Variants in KCNJ15 observed in about 807,000 individuals in gnomAD.
The protein encoded by KCNJ15 is ATP-sensitive inward rectifier potassium channel 15.
Under a neutral mutation model 23.0 loss-of-function variants are expected in KCNJ15, and 14 were observed. That is an observed-to-expected ratio of 0.61 (90% CI 0.40 to 0.95). The LOEUF is 0.95. KCNJ15 is among the 40% of genes least tolerant of loss of function. The pLI is 0.00. For synonymous variants in KCNJ15, 185 were observed against 183.2 expected (o/e 1.01, Z -0.08); for missense variants, 388 against 461.8 (o/e 0.84, Z 1.46).
At chr21:38,248,117 A>G (rs1040025958) in intron 1 of KCNJ15, among the ~76,000 whole-genome samples, 1 of 152,254 alleles carries the variant, frequency 6.6e-6, no homozygotes, top group Non-Finnish European at 1.5e-5. Context: ...CAAATAGCAG[A>G]CATATCTTTG....
At chr21:38,245,976 A>G (rs938625211) in intron 1 of KCNJ15, among the ~76,000 whole-genome samples, 2 of 152,230 alleles carry the variant, frequency 1.3e-5, no homozygotes, top group Non-Finnish European at 2.9e-5. Context: ...TTCACCAACT[A>G]TTTGACCTTG....
rs1317911485 is a variant in KCNJ15 at position 38,303,771 on chromosome 21, A to G, written c.*3382A>G. 6.6e-6 allele frequency: 1 copy of G among 152,228 alleles called. No individual in the cohort carries two copies. Among genetic ancestry groups the G allele is most frequent in the Non-Finnish European group, 1.5e-5 (1 of 68,036 alleles). The allele number at this position is 152,228 out of a possible 1,614,324, so 9.4% of individuals were successfully genotyped here. On this transcript the variant is annotated 3_prime_UTR_variant, in exon 3 of 3. Transcript: ENST00000398938. ...ATATTATCGAAATGTAAACAAAGAT[A>G]TATTTTTAAGGTGGCATTTCTACTC...
intron 1 of KCNJ15, among the ~76,000 whole-genome samples, chr21:38,233,725 A>T (rs1978420568): frequency 6.6e-6 from 1 of 152,148 alleles, no homozygotes; most frequent in African/African-American, 2.4e-5. Context: ...ATTATAAGGG[A>T]ATAGTATGAA....
Position 38,299,183 on chromosome 21 carries a change from C to A in KCNJ15, c.-18-61C>A. On this transcript the variant is annotated intron_variant, in intron 2 of 2. Transcript: ENST00000398938. This position sits in a 1 kb window ranked among gnomAD's most constrained non-coding sequence, Gnocchi z 4.5. Reference sequence around the variant, plus strand: ...TTCATACTTACTTCACATGATGATTCTATTTTCTGGAAGTTCCACCACATA... The same window carrying A: ...TTCATACTTACTTCACATGATGATTATATTTTCTGGAAGTTCCACCACATA... 1 of 1,261,844 alleles carries A rather than the reference C, an allele frequency of 7.9e-7. No homozygotes were observed. Among genetic ancestry groups the A allele is most frequent in the Non-Finnish European group, 1.1e-6 (1 of 896,110 alleles). The allele number at this position is 1,261,844 out of a possible 1,614,324, so 78.2% of individuals were successfully genotyped here.
At chr21:38,256,907 T>G (rs1419696253), upstream of KCNJ15, 2 of 147,480 alleles carry the variant, frequency 1.4e-5, no homozygotes, top group Admixed American at 6.8e-5. Flanking sequence ...TTTCTCTCCT[T>G]TCCTCCCTCC....
At chr21:38,284,509 T>G (rs1383541039) in intron 1 of KCNJ15, among the ~76,000 whole-genome samples, 1 of 152,238 alleles carries the variant, frequency 6.6e-6, no homozygotes, top group Non-Finnish European at 1.5e-5. Context: ...CATGCATCAG[T>G]AATTTCAACT....
Position 38,305,080 on chromosome 21 carries a change from C to CAA in KCNJ15, c.*4707_*4708dup, listed in dbSNP as rs60094452. On this transcript the variant is annotated 3_prime_UTR_variant, in exon 3 of 3. Transcript: ENST00000398938. ...GGGCAACAAAAGTAAAACTCCGTCT[C>CAA]AAAAAAAAAAAAAAAAAGAAAAAGA... is the stretch of plus-strand genomic sequence containing the variant. 43,876 of 97,220 alleles carry CAA rather than the reference C, an allele frequency of 0.45. 10,050 individuals carry two copies. The highest frequency in any genetic ancestry group is 0.58 in the Non-Finnish European group (28,197 of 48,828). 6.0% of individuals were successfully genotyped at this position (97,220 alleles called of 1,614,324 possible).
Position 38,299,934 on chromosome 21 carries a change from G to A in KCNJ15, c.673G>A (p.Gly225Arg). The change falls in exon 3 of 3, where the codon GGG becomes AGG. Residue 225 changes from glycine to arginine, a missense_variant. Gly to Arg is a moderately radical substitution (Grantham distance 125). Transcript: ENST00000398938. This position sits in a 1 kb window ranked among gnomAD's most constrained non-coding sequence, Gnocchi z 4.5. ...CCTGCAGACCCACGTCACCAAGGAG[G>A]GGGAGCGGATTCTCCTCAACCAAGC... ...KLLQTHVTKEGERILLNQATV... is the reference protein window; with the variant it reads ...KLLQTHVTKERERILLNQATV... The A allele has an allele frequency of 6.2e-7, 1 of 1,614,000 alleles. No individual in the cohort carries two copies. Among genetic ancestry groups the A allele is most frequent in the Non-Finnish European group, 8.5e-7 (1 of 1,180,006 alleles).
At chr21:38,264,307 T>A (rs1601170968) in intron 1 of KCNJ15, among the ~76,000 whole-genome samples, 1 of 152,390 alleles carries the variant, frequency 6.6e-6, no homozygotes, top group East Asian at 1.9e-4. Flanking sequence ...TAGACTCAGG[T>A]CTGGCACTAG....
At chr21:38,244,688 A>C (rs1043501420) in intron 1 of KCNJ15, among the ~76,000 whole-genome samples, 8 of 152,102 alleles carry the variant, frequency 5.3e-5, no homozygotes, top group African/African-American at 1.9e-4. Flanking sequence ...CTCTGGTTCC[A>C]TCTTAGTCCC....
At chr21:38,286,014 C>A (rs367643321) in intron 1 of KCNJ15, among the ~76,000 whole-genome samples, 2 of 152,026 alleles carry the variant, frequency 1.3e-5, no homozygotes, top group African/African-American at 2.4e-5. Context: ...GAGGCCGAGG[C>A]GGGCGGATCA....
At position 38,238,269 on chromosome 21, in the gene KCNJ15, G is replaced by A. The variant is rs1454254247; in HGVS notation, c.-398-18777G>A. ...TTCGTAATTCACAGGGATCCATGATGAGCATTGAGCAGGCTTGATTCTCAC... is the reference window on the plus strand; with the variant it reads ...TTCGTAATTCACAGGGATCCATGATAAGCATTGAGCAGGCTTGATTCTCAC... On this transcript the variant is annotated intron_variant, in intron 1 of 4. Transcript: ENST00000547341. 12 of 681,660 alleles carry A rather than the reference G, an allele frequency of 1.8e-5. No individual in the cohort carries two copies. In the East Asian group the frequency reaches 2.2e-4, roughly 12 times the overall value. 42.2% of individuals were successfully genotyped at this position (681,660 alleles called of 1,614,324 possible). A position where few individuals can be genotyped will look rare whatever the true frequency, so the allele number is the denominator to read the frequency against.
intron 1 of KCNJ15, among the ~76,000 whole-genome samples, chr21:38,295,727 T>C (rs903069660): frequency 5.9e-5 from 9 of 152,226 alleles, no homozygotes; most frequent in Admixed American, 5.9e-4. Flanking sequence ...CATAAAATTA[T>C]ATGAAATAAG....
chr21:38,290,939 T>C (rs1984535332), intron 1 of KCNJ15, among the ~76,000 whole-genome samples: 1 of 150,748 alleles, frequency 6.6e-6, no homozygotes, highest in African/African-American at 2.5e-5. Flanking sequence ...ATATAAAGTG[T>C]AGAGTTTAGA....
chr21:38,290,857 G>A (rs1054851535), intron 1 of KCNJ15, among the ~76,000 whole-genome samples: 1 of 152,034 alleles, frequency 6.6e-6, no homozygotes, highest in Non-Finnish European at 1.5e-5. Context: ...CTTGTTTCCA[G>A]CTCTAACCTT....
intron 1 of KCNJ15, among the ~76,000 whole-genome samples, chr21:38,271,811 C>T (rs372109593): frequency 3.3e-5 from 5 of 152,164 alleles, no homozygotes; most frequent in Non-Finnish European, 4.4e-5. Context: ...GGGAAGAAAA[C>T]GCCCATAGAA....
chr21:38,261,417 A>G (rs1980883115), intron 1 of KCNJ15, among the ~76,000 whole-genome samples: 1 of 152,232 alleles, frequency 6.6e-6, no homozygotes, highest in Non-Finnish European at 1.5e-5. Flanking sequence ...ATACATAGTA[A>G]AGCCCTGATA....
intron 1 of KCNJ15, among the ~76,000 whole-genome samples, chr21:38,234,787 T>C (rs532160634): frequency 6.6e-6 from 1 of 152,382 alleles, no homozygotes; most frequent in East Asian, 1.9e-4. Context: ...AGCTGAATAA[T>C]GAGCAAATCC....
At position 38,306,933 on chromosome 21, in the gene KCNJ15, G is replaced by A. The variant is rs1986077442; in HGVS notation, c.*6544G>A. The A allele has an allele frequency of 6.6e-6, 1 of 152,160 alleles. No individual in the cohort carries two copies. The highest frequency in any genetic ancestry group is 1.5e-5 in the Non-Finnish European group (1 of 68,024). The allele number at this position is 152,160 out of a possible 1,614,324, so 9.4% of individuals were successfully genotyped here. On this transcript the variant is annotated 3_prime_UTR_variant, in exon 3 of 3. Transcript: ENST00000398938. ...AACAATCCCACTGCTTGTAACTCCT[G>A]GCAGTGTGTACTTACCAAAATCTTG...
Sources: gnomAD v4.1 joint callset for allele counts (sites outside exome capture counted in the v4.1 genomes callset) on GRCh38, gnomAD v4.1.1 for gene constraint, Gnocchi (gnomAD v3.1) non-coding constraint, MANE v1.5 for transcripts, NCBI Gene and HGNC (gene_info 2026-07-23, HGNC 2026-07-21) for gene names.